The following FRMD4A variants were observed in gnomAD, a reference collection of about 807,000 sequenced individuals.
FRMD4A encodes FERM domain containing 4A.
A neutral mutation model predicts 129.1 loss-of-function variants in FRMD4A; 29 were observed. The ratio of observed to expected loss-of-function variants is 0.22; its 90% confidence interval spans 0.17 to 0.31. The LOEUF (loss-of-function observed/expected upper bound fraction) is 0.31, where lower values mean the gene tolerates loss of function less well. FRMD4A is among the 10% of genes least tolerant of loss of function. FRMD4A has a pLI of 1.00. For missense variants in FRMD4A, 1,272 were observed against 1,375.8 expected (o/e 0.92, Z 1.19); for synonymous variants, 634 against 571.6 (o/e 1.11, Z -1.56).
chr10:14,137,940 A>T (rs1028638226), intron 2 of FRMD4A, among the ~76,000 whole-genome samples: 2 of 152,066 alleles, frequency 1.3e-5, no homozygotes, highest in African/African-American at 4.8e-5. Flanking sequence ...AACCCAACAT[A>T]CTTTGAACAG....
At chr10:14,202,050 A>G (rs534663269) in intron 2 of FRMD4A, among the ~76,000 whole-genome samples, 59 of 152,204 alleles carry the variant, frequency 3.9e-4, no homozygotes, top group African/African-American at 1.4e-3. Context: ...AGGCAAGAGA[A>G]TTGCTTGAAC....
At chr10:14,054,347 T>C (rs1188884466) in intron 2 of FRMD4A, among the ~76,000 whole-genome samples, 1 of 152,134 alleles carries the variant, frequency 6.6e-6, no homozygotes, top group African/African-American at 2.4e-5. Context: ...ACTGTGACTT[T>C]CCCAGTGTGG....
chr10:14,312,516 C>T (rs960419239), intron 2 of FRMD4A, among the ~76,000 whole-genome samples: 2 of 152,162 alleles, frequency 1.3e-5, no homozygotes, highest in Admixed American at 6.5e-5. Flanking sequence ...ACATTATACA[C>T]AAGCCATATG....
chr10:13,673,367 G>A (rs530193905), intron 16 of FRMD4A, among the ~76,000 whole-genome samples: 1 of 152,266 alleles, frequency 6.6e-6, no homozygotes, highest in Non-Finnish European at 1.5e-5. Flanking sequence ...TCACTCCACG[G>A]CCCCTTGTTT....
intron 2 of FRMD4A, among the ~76,000 whole-genome samples, chr10:14,067,693 C>G (rs185725727): frequency 6.6e-6 from 1 of 151,422 alleles, no homozygotes; most frequent in Non-Finnish European, 1.5e-5. Flanking sequence ...GGTGCATGCC[C>G]GTAGTCCCAG....
intron 2 of FRMD4A, among the ~76,000 whole-genome samples, chr10:14,120,324 G>A (rs982090820): frequency 5.3e-5 from 8 of 151,640 alleles, no homozygotes; most frequent in Non-Finnish European, 1.0e-4. Context: ...TCAGTTCAGT[G>A]TCACTTCCTT....
At chr10:13,788,892 C>T (rs1261732889) in intron 5 of FRMD4A, among the ~76,000 whole-genome samples, 3 of 152,222 alleles carry the variant, frequency 2.0e-5, no homozygotes, top group Non-Finnish European at 2.9e-5. Flanking sequence ...AGTCAGATGG[C>T]AAGGGCCCAG....
intron 12 of FRMD4A, among the ~76,000 whole-genome samples, chr10:13,712,445 C>A (rs1232806633): frequency 6.6e-6 from 1 of 151,220 alleles, no homozygotes; most frequent in East Asian, 1.9e-4. Context: ...ACCCAGGAGA[C>A]GGAGGTTGCA....
chr10:14,141,584 C>CT (rs1265156006), intron 2 of FRMD4A, among the ~76,000 whole-genome samples: 1 of 151,816 alleles, frequency 6.6e-6, no homozygotes, highest in East Asian at 1.9e-4. Context: ...CTTCTCTACC[C>CT]CTGCCATACC....
At chr10:13,987,214 C>G (rs576938239) in intron 2 of FRMD4A, among the ~76,000 whole-genome samples, 1 of 152,190 alleles carries the variant, frequency 6.6e-6, no homozygotes, top group East Asian at 1.9e-4. Context: ...TGCCACTTTA[C>G]CTCTGAACTA....
intron 2 of FRMD4A, among the ~76,000 whole-genome samples, chr10:14,180,402 G>T (rs1409138914): frequency 6.6e-6 from 1 of 152,176 alleles, no homozygotes; most frequent in Non-Finnish European, 1.5e-5. Context: ...ATGGATAGAA[G>T]GCTAGCAAAG....
At position 14,039,390 on chromosome 10, in the gene FRMD4A, C is replaced by CTAT. The variant is rs1565204465; in HGVS notation, c.46-180479_46-180478insATA. Among the ~76,000 whole-genome samples the CTAT allele has an allele frequency of 1.2e-4, 16 of 137,112 alleles. No homozygotes were observed. The East Asian group carries it at 1.4e-3, about 12-fold the overall frequency. 90.0% of individuals were successfully genotyped at this position (137,112 alleles called of 152,430 possible). A position where few individuals can be genotyped will look rare whatever the true frequency, so the allele number is the denominator to read the frequency against. ...TCCGTCCATCCATCCATCCATCCAT[C>CTAT]CATCCATCCATCCATCCATCTATCT... On this transcript the variant is annotated intron_variant, in intron 2 of 24. Coordinates refer to ENST00000357447, the MANE Select transcript of FRMD4A (RefSeq NM_018027.5).
At chr10:13,660,243 C>T (rs1005722517) in intron 20 of FRMD4A, 73 bp downstream of exon 20, 1 of 975,472 alleles carries the variant, frequency 1.0e-6, no homozygotes, top group Non-Finnish European at 1.6e-6. Context: ...GTGGATGCTA[C>T]TTGGGACGGC....
intron 2 of FRMD4A, among the ~76,000 whole-genome samples, chr10:14,302,011 G>C (rs1846201593): frequency 6.6e-6 from 1 of 152,146 alleles, no homozygotes; most frequent in African/African-American, 2.4e-5. Flanking sequence ...TCTGGGGAAA[G>C]AAAAGTCTGA....
intron 2 of FRMD4A, among the ~76,000 whole-genome samples, chr10:14,228,383 TTATTAA>T (rs960545141): frequency 1.3e-5 from 2 of 152,214 alleles, no homozygotes; most frequent in Non-Finnish European, 2.9e-5. Context: ...TTGAGCTTAA[TTATTAA>T]TAATGTTCCC....
intron 5 of FRMD4A, among the ~76,000 whole-genome samples, chr10:13,783,974 C>T (rs2092795914): frequency 6.6e-6 from 1 of 152,136 alleles, no homozygotes; most frequent in South Asian, 2.1e-4. Flanking sequence ...CTTGTACTGT[C>T]TAATGACCAG....
At chr10:13,869,904 C>T (rs185354090) in intron 2 of FRMD4A, among the ~76,000 whole-genome samples, 42 of 152,288 alleles carry the variant, frequency 2.8e-4, no homozygotes, top group Admixed American at 2.0e-3. Flanking sequence ...ACTTTTCATC[C>T]AAGCCTGGAA....
chr10:14,129,371 C>CATATAT (rs3033977), intron 2 of FRMD4A, among the ~76,000 whole-genome samples: 1,099 of 46,172 alleles, frequency 0.024, 18 homozygotes, highest in Non-Finnish European at 0.032. Context: ...AATTATGATT[C>CATATAT]ATATATATAT....
chr10:13,962,651 A>T (rs933779885), intron 2 of FRMD4A, among the ~76,000 whole-genome samples: 2 of 152,224 alleles, frequency 1.3e-5, no homozygotes, highest in Non-Finnish European at 2.9e-5. Context: ...TTCTCCTTCC[A>T]GTGGGATTAC....
Sources: gnomAD v4.1 joint callset for allele counts (sites outside exome capture counted in the v4.1 genomes callset) on GRCh38, gnomAD v4.1.1 for gene constraint, MANE v1.5 for transcripts, NCBI Gene and HGNC (gene_info 2026-07-23, HGNC 2026-07-21) for gene names.